The following ZNF274 variants were observed in gnomAD, a reference collection of about 807,000 sequenced individuals.
ZNF274 encodes neurotrophin receptor-interacting factor homolog.
Under a neutral mutation model 42.5 loss-of-function variants are expected in ZNF274, and 23 were observed. The ratio of observed to expected loss-of-function variants is 0.54; its 90% CI spans 0.39 to 0.77. The LOEUF is 0.77. Among genes scored for constraint, ZNF274 ranks in the 30% least tolerant of loss-of-function variants. The pLI is 0.00. For missense variants in ZNF274, 679 were observed against 806.5 expected (o/e 0.84, Z 1.91); for synonymous variants, 292 against 305.4 (o/e 0.96, Z 0.46).
chr19:58,213,299 TA>T lies in ZNF274; in HGVS notation c.*158del. On this transcript the variant is annotated 3_prime_UTR_variant, in exon 8 of 8. Transcript: ENST00000617501. The stretch of plus-strand genomic sequence containing the variant: ...ACAACTGAGGAGACTGCCCAGCACA[TA>T]ATGAATAAATAAGAAAATGAGTGAG... 1 of 835,616 alleles carries T rather than the reference TA, an allele frequency of 1.2e-6. No homozygotes were observed. The highest frequency in any genetic ancestry group is 3.4e-5 in the South Asian group (1 of 29,594). 51.8% of individuals were successfully genotyped at this position (835,616 alleles called of 1,614,324 possible). A position where few individuals can be genotyped will look rare whatever the true frequency, so the allele number is the denominator to read the frequency against.
At chr19:58,210,133 C>G in intron 6 of ZNF274, 60 bp downstream of exon 6, 3 of 1,382,024 alleles carry the variant, frequency 2.2e-6, no homozygotes, top group Non-Finnish European at 3.1e-6. Flanking sequence ...AGGCCCACCC[C>G]TGAGGCATCC....
chr19:58,209,669 TCAG>T (rs2076017799), intron 5 of ZNF274: 1 of 252,230 alleles, frequency 4.0e-6, no homozygotes, highest in South Asian at 7.7e-5. Flanking sequence ...GCTGGGGCCC[TCAG>T]CAGCCCCCGG....
intron 4 of ZNF274, among the ~76,000 whole-genome samples, chr19:58,188,713 T>TATATAC (rs1230593785): frequency 5.5e-5 from 7 of 126,248 alleles, no homozygotes; most frequent in African/African-American, 2.1e-4. Context: ...TATATATATA[T>TATATAC]ATATATATAT....
At chr19:58,204,340 G>A (rs1481343656) in intron 4 of ZNF274, among the ~76,000 whole-genome samples, 1 of 151,576 alleles carries the variant, frequency 6.6e-6, no homozygotes, top group Non-Finnish European at 1.5e-5. Context: ...GCGCTTTTCC[G>A]GGTCCAGGGG....
At position 58,207,345 on chromosome 19, in the gene ZNF274, C is replaced by A; in HGVS notation, c.739+143C>A. The A allele has an allele frequency of 7.5e-7, 1 of 1,336,788 alleles. No individual in the cohort carries two copies. The highest frequency in any genetic ancestry group is 1.0e-6 in the Non-Finnish European group (1 of 999,514). 82.8% of individuals were successfully genotyped at this position (1,336,788 alleles called of 1,614,324 possible). On this transcript the variant is annotated intron_variant, in intron 5 of 7. Coordinates refer to ENST00000617501, the MANE Select transcript of ZNF274 (RefSeq NM_133502.3). The surrounding 1 kb of genome is among the most constrained non-coding windows in gnomAD (Gnocchi z 5.6). ...TACAGACCAAGGACATCCATGTTGC[C>A]CACGTGTTCCTGAGTCAGAGCCACT...
intron 2 of ZNF274, 56 bp from the exon 3 acceptor site, chr19:58,185,656 T>C: frequency 1.4e-6 from 2 of 1,382,282 alleles, no homozygotes; most frequent in Non-Finnish European, 1.9e-6. Context: ...CTCCCCTGTC[T>C]TTCTTTTGTC....
At chr19:58,197,390 T>C (rs968092004) in intron 4 of ZNF274, among the ~76,000 whole-genome samples, 4 of 152,354 alleles carry the variant, frequency 2.6e-5, no homozygotes, top group African/African-American at 7.2e-5. Flanking sequence ...AAATGTCTCA[T>C]CCTATTTTTA....
In ZNF274 at chr19:58,212,358, G is replaced by C. The variant is rs776873417; in HGVS notation, c.1177G>C (p.Asp393His). The change falls in exon 8 of 8, where the codon GAC becomes CAC. Residue 393 changes from aspartate to histidine, a missense_variant. By Grantham distance (81) the Asp-to-His change is moderately conservative (BLOSUM62 -1). Around this residue, in one of 2 missense-constraint regions of ZNF274, gnomAD observed 456 missense variants for 590.1 expected, o/e 0.77. Coordinates refer to ENST00000617501, the MANE Select transcript of ZNF274 (RefSeq NM_133502.3). This position sits in a 1 kb window ranked among gnomAD's most constrained non-coding sequence, Gnocchi z 4.6. The stretch of plus-strand genomic sequence containing the variant: ...GCAGATGGAGTCTGCTCAGGAAAAA[G>C]ACCTTCCTCAGAAGAAGCACTTTGA... ...LKQMESAQEK[D>H]LPQKKHFDNR... 4.3e-6 allele frequency: 7 copies of C among 1,613,832 alleles called. No homozygotes were observed. The highest frequency in any genetic ancestry group is 4.0e-5 in the African/African-American group (3 of 74,894).
intron 6 of ZNF274, 179 bp downstream of exon 6, chr19:58,210,252 C>T (rs2076025320): frequency 1.9e-6 from 1 of 519,438 alleles, no homozygotes. Context: ...GCCCTGCCCT[C>T]CAGCCACTGT....
At chr19:58,185,540 G>A in intron 2 of ZNF274, 172 bp from the exon 3 acceptor site, 1 of 476,552 alleles carries the variant, frequency 2.1e-6, no homozygotes, top group Non-Finnish European at 3.5e-6. Context: ...AGTCAAGCTT[G>A]GGTTTGCTTG....
rs2076019357 is a variant in ZNF274, at chr19:58,209,777, G to A, written c.740-184G>A. On this transcript the variant is annotated intron_variant, in intron 5 of 7. Transcript: ENST00000617501. ...CCATCCCGGGCCCATCCAGGTGTGG[G>A]CACTCGGGCACGTGCTGTGAGGGGA... The A allele has an allele frequency of 9.4e-6, 5 of 533,124 alleles. No individual in the cohort carries two copies. In the South Asian group the frequency reaches 1.1e-4, roughly 11 times the overall value. 33.0% of individuals were successfully genotyped at this position (533,124 alleles called of 1,614,324 possible).
At chr19:58,209,142 C>T (rs753651797) in intron 5 of ZNF274, 1 of 152,230 alleles carries the variant, frequency 6.6e-6, no homozygotes, top group South Asian at 2.1e-4. Flanking sequence ...TCATTCTTAC[C>T]TCTTCTGCCC....
rs1286322706 is a variant in ZNF274 at position 58,211,718 on chromosome 19, G to A, written c.979+32G>A. 1.9e-6 allele frequency: 3 copies of A among 1,589,444 alleles called. No individual in the cohort carries two copies. The highest frequency in any genetic ancestry group is 1.1e-5 in the South Asian group (1 of 88,112). On this transcript the variant is annotated intron_variant, in intron 7 of 7. Transcript: ENST00000617501. This position sits in a 1 kb window ranked among gnomAD's most constrained non-coding sequence, Gnocchi z 4.8. ...CTGTGCCCCCTCTTCACCCACCTCA[G>A]GGCTGGTAGGCCACAGGAGCCCCAA...
rs981486639 is a variant in ZNF274 at position 58,207,043 on chromosome 19, G to A, written c.580G>A (p.Ala194Thr). ...ELCHQWLQPK[A>T]RSKEQILELL... is the part of the protein sequence containing the mutation. ...GTGTCACCAGTGGCTACAGCCTAAG[G>A]CACGCTCCAAGGAGCAGATCCTGGA... The change falls in exon 5 of 8, where the codon GCA becomes ACA. Residue 194 changes from alanine to threonine, a missense_variant. Physicochemically the swap from Ala to Thr is moderately conservative, Grantham distance 58. Transcript: ENST00000617501. This position sits in a 1 kb window ranked among gnomAD's most constrained non-coding sequence, Gnocchi z 5.6. The A allele has an allele frequency of 3.7e-6, 6 of 1,612,912 alleles. No individual in the cohort carries two copies. In the East Asian group the frequency reaches 6.7e-5, roughly 18 times the overall value.
At chr19:58,184,128 T>C in intron 2 of ZNF274, 130 bp downstream of exon 2, 2 of 1,088,420 alleles carry the variant, frequency 1.8e-6, no homozygotes, top group Non-Finnish European at 2.7e-6. Flanking sequence ...TAGAGATTGG[T>C]TGGGCATGAG....
At chr19:58,185,859 A>G (rs1443726411) in intron 3 of ZNF274, 21 bp downstream of exon 3, 1 of 1,356,798 alleles carries the variant, frequency 7.4e-7, no homozygotes, top group South Asian at 2.3e-5. Context: ...CCTCCAGGTC[A>G]AGAAGGATCT....
chr19:58,186,078 G>A (rs1444612612), intron 3 of ZNF274: 4 of 256,200 alleles, frequency 1.6e-5, no homozygotes, highest in Non-Finnish European at 2.9e-5. Context: ...CAAGAGTTCC[G>A]GCCAGGCATG....
chr19:58,204,702 G>A (rs1265854705), intron 4 of ZNF274, among the ~76,000 whole-genome samples: 1 of 152,186 alleles, frequency 6.6e-6, no homozygotes, highest in Non-Finnish European at 1.5e-5. Flanking sequence ...TTACAAGGGA[G>A]TTTTTAACAA....
chr19:58,206,005 G>A (rs534765798), intron 4 of ZNF274, among the ~76,000 whole-genome samples: 2 of 152,198 alleles, frequency 1.3e-5, no homozygotes, highest in South Asian at 4.1e-4. Context: ...TCACAGGGTT[G>A]TACAGCTGTC....
Sources: allele counts gnomAD v4.1 joint callset (sites outside exome capture counted in the v4.1 genomes callset), GRCh38; gene constraint gnomAD v4.1.1; regional missense constraint gnomAD v4.1.1; non-coding constraint Gnocchi (gnomAD v3.1); transcripts MANE v1.5; gene names NCBI Gene and HGNC (gene_info 2026-07-23, HGNC 2026-07-21).